The following ZNF536 variants were observed in gnomAD, a reference collection of about 807,000 sequenced individuals.
The protein encoded by ZNF536 is zinc finger protein 536.
A neutral mutation model predicts 84.5 loss-of-function variants in ZNF536; 13 were observed. The observed-to-expected ratio is 0.15, with a 90% CI of 0.10 to 0.24. The LOEUF is 0.24. Among genes scored for constraint, ZNF536 ranks in the 10% least tolerant of loss-of-function variants. The probability of loss-of-function intolerance (pLI) is 1.00; values close to 1 mark genes in which losing one functional copy is unlikely to be tolerated. For missense variants in ZNF536, 1,536 were observed against 1,747.5 expected (o/e 0.88, Z 2.16); for synonymous variants, 811 against 742.5 (o/e 1.09, Z -1.50).
intron 1 of ZNF536, among the ~76,000 whole-genome samples, chr19:30,682,222 C>A (rs2051001548): frequency 6.6e-6 from 1 of 152,078 alleles, no homozygotes; most frequent in Admixed American, 6.5e-5. Flanking sequence ...TCGAACTCTG[C>A]AAGTTTTGGG....
At chr19:30,467,944 G>A (rs1026584434) in intron 2 of ZNF536, among the ~76,000 whole-genome samples, 3 of 152,246 alleles carry the variant, frequency 2.0e-5, no homozygotes, top group African/African-American at 7.2e-5. Context: ...ACAGCGGCCT[G>A]TGTGAGCCCA....
At chr19:30,662,222 G>A (rs1600187643) in intron 1 of ZNF536, among the ~76,000 whole-genome samples, 1 of 152,164 alleles carries the variant, frequency 6.6e-6, no homozygotes, top group Non-Finnish European at 1.5e-5. Context: ...CAAGATATTA[G>A]CAAAGACTTT....
intron 3 of ZNF536, among the ~76,000 whole-genome samples, chr19:30,536,149 C>G (rs1198980763): frequency 6.6e-6 from 1 of 152,170 alleles, no homozygotes; most frequent in African/African-American, 2.4e-5. Context: ...AGGCCTCATG[C>G]GACCTGCCCA....
chr19:30,685,478 A>T (rs2051140217), intron 1 of ZNF536, among the ~76,000 whole-genome samples: 1 of 152,098 alleles, frequency 6.6e-6, no homozygotes, highest in Admixed American at 6.5e-5. Flanking sequence ...ATCCCCATCC[A>T]GCTTGGCTCC....
At chr19:30,543,523 T>C (rs1170679332) in intron 3 of ZNF536, among the ~76,000 whole-genome samples, 1 of 152,214 alleles carries the variant, frequency 6.6e-6, no homozygotes, top group Non-Finnish European at 1.5e-5. Context: ...TGCCTGGCTC[T>C]TTTGGCATGG....
chr19:30,679,556 G>A (rs542145204), intron 1 of ZNF536, among the ~76,000 whole-genome samples: 7 of 152,240 alleles, frequency 4.6e-5, no homozygotes, highest in East Asian at 1.9e-4. Flanking sequence ...CCCTCCCCAC[G>A]ACTTCTGGGA....
intron 2 of ZNF536, among the ~76,000 whole-genome samples, chr19:30,483,459 C>T (rs908991297): frequency 3.9e-5 from 6 of 152,104 alleles, no homozygotes; most frequent in Middle Eastern, 6.3e-3. Context: ...TGCTGCCTGG[C>T]GGGGTGAACA....
At chr19:30,421,414 G>T (rs1002617679) in intron 1 of ZNF536, among the ~76,000 whole-genome samples, 1 of 152,022 alleles carries the variant, frequency 6.6e-6, no homozygotes, top group Non-Finnish European at 1.5e-5. Context: ...TAGAGACAGG[G>T]TCTCACTCTG....
intron 1 of ZNF536, among the ~76,000 whole-genome samples, chr19:30,664,211 T>C (rs1312919344): frequency 1.2e-4 from 1 of 8,302 alleles, no homozygotes. Flanking sequence ...GTTTTCTCTC[T>C]CTCTCTCTCT....
At chr19:30,547,274 A>G (rs2045593298) in intron 3 of ZNF536, among the ~76,000 whole-genome samples, 1 of 152,186 alleles carries the variant, frequency 6.6e-6, no homozygotes, top group Non-Finnish European at 1.5e-5. Context: ...ACATGCTGCA[A>G]TCATAATGCA....
At chr19:30,480,897 ATGGTGGATGCGGC>A (rs1568472439) in intron 2 of ZNF536, among the ~76,000 whole-genome samples, 1 of 152,002 alleles carries the variant, frequency 6.6e-6, no homozygotes, top group African/African-American at 2.4e-5. Flanking sequence ...TTAGCTGGGC[ATGGTGGATGCGGC>A]TGTAATTCCA....
chr19:30,482,007 T>A (rs2054109431), intron 2 of ZNF536, among the ~76,000 whole-genome samples: 1 of 152,248 alleles, frequency 6.6e-6, no homozygotes, highest in African/African-American at 2.4e-5. Context: ...TTCCTTTTGA[T>A]GACTGAGTAG....
intron 2 of ZNF536, among the ~76,000 whole-genome samples, chr19:30,299,088 C>CTT (rs1377804255): frequency 2.0e-5 from 3 of 152,144 alleles, no homozygotes; most frequent in Admixed American, 6.5e-5. Flanking sequence ...TAAAGGTAGC[C>CTT]TCTGTGAAAG....
intron 1 of ZNF536, among the ~76,000 whole-genome samples, chr19:30,578,531 C>T (rs2146638291): frequency 6.6e-6 from 1 of 152,308 alleles, no homozygotes; most frequent in East Asian, 1.9e-4. Flanking sequence ...GGCCTGGTCT[C>T]TATGTAAGTT....
chr19:30,385,652 G>C, intron 1 of ZNF536, among the ~76,000 whole-genome samples: 1 of 152,142 alleles, frequency 6.6e-6, no homozygotes, highest in African/African-American at 2.4e-5. Context: ...ATCTCCCAGG[G>C]AATGGGCAGG....
chr19:30,632,824 T>C (rs1007603536), intron 1 of ZNF536, among the ~76,000 whole-genome samples: 1 of 152,196 alleles, frequency 6.6e-6, no homozygotes, highest in Non-Finnish European at 1.5e-5. Context: ...CACAGAGAAA[T>C]TAGAAAGAAG....
intron 2 of ZNF536, among the ~76,000 whole-genome samples, chr19:30,478,574 G>A (rs2053947532): frequency 6.6e-6 from 1 of 152,148 alleles, no homozygotes; most frequent in African/African-American, 2.4e-5. Flanking sequence ...GTGTATACCG[G>A]GGAATAATAG....
intron 1 of ZNF536, among the ~76,000 whole-genome samples, chr19:30,237,950 C>A (rs750508769): frequency 6.6e-6 from 1 of 152,106 alleles, no homozygotes; most frequent in East Asian, 1.9e-4. Flanking sequence ...TCAGATGGCA[C>A]CAAGTTTGCC....
intron 1 of ZNF536, among the ~76,000 whole-genome samples, chr19:30,680,463 T>C (rs1216784662): frequency 7.3e-6 from 1 of 137,658 alleles, no homozygotes; most frequent in Admixed American, 8.3e-5. Context: ...CCATGTGTTC[T>C]CATTGTTCAA....
Sources: gnomAD v4.1 joint callset for allele counts (sites outside exome capture counted in the v4.1 genomes callset) on GRCh38, gnomAD v4.1.1 for gene constraint, MANE v1.5 for transcripts, NCBI Gene and HGNC (gene_info 2026-07-23, HGNC 2026-07-21) for gene names.